Variants in RPS6KC1 observed in about 807,000 individuals in gnomAD.
RPS6KC1 encodes the protein ribosomal protein S6 kinase C1.
A neutral mutation model predicts 103.8 loss-of-function variants in RPS6KC1; 54 were observed. The ratio of observed to expected loss-of-function variants is 0.52; its 90% CI spans 0.42 to 0.65. RPS6KC1 has a LOEUF of 0.65. RPS6KC1 is among the 30% of genes least tolerant of loss of function. RPS6KC1 has a pLI of 0.00. For synonymous variants in RPS6KC1, 439 were observed against 438.7 expected (o/e 1.00, Z -0.01); for missense variants, 1,151 against 1,253.8 (o/e 0.92, Z 1.24).
At chr1:213,461,012 T>C in the RPS6KC1 span, among the ~76,000 whole-genome samples, 1 of 152,072 alleles carries the variant, frequency 6.6e-6, no homozygotes, top group Non-Finnish European at 1.5e-5. Flanking sequence ...CTGTTGCAGA[T>C]GACATGATTG....
chr1:213,454,343 G>A, the RPS6KC1 span, among the ~76,000 whole-genome samples: 1 of 152,148 alleles, frequency 6.6e-6, no homozygotes, highest in Admixed American at 6.5e-5. Context: ...TATTTTTAGA[G>A]GATAAGGAGA....
At chr1:213,735,150 G>T in the RPS6KC1 span, among the ~76,000 whole-genome samples, 1 of 152,178 alleles carries the variant, frequency 6.6e-6, no homozygotes, top group Non-Finnish European at 1.5e-5. Context: ...GTCTTGAGAA[G>T]TCAGGTGAGT....
rs745874632 is a variant in RPS6KC1 at position 213,242,620 on chromosome 1, G to C, written c.2873G>C (p.Cys958Ser). The change falls in exon 12 of 15, where the codon TGT becomes TCT. Residue 958 changes from cysteine (C) to serine (S), a missense_variant. Cys to Ser is a moderately radical substitution (Grantham distance 112). Around this residue, in one of 3 missense-constraint regions of RPS6KC1, gnomAD observed 189 missense variants for 228.8 expected, o/e 0.83. Coordinates refer to ENST00000366960, the MANE Select transcript of RPS6KC1 (RefSeq NM_012424.6). Reference sequence around the variant, plus strand: ...AGGTGGAGTGAGGTTGAAGATTCCTGTGACAGCGATGCCATAGAGAGAATG... The same window carrying C: ...AGGTGGAGTGAGGTTGAAGATTCCTCTGACAGCGATGCCATAGAGAGAATG... The part of the protein sequence containing the change: ...FSRWSEVEDS[C>S]DSDAIERMYC... 2.5e-6 allele frequency: 4 copies of C among 1,612,944 alleles called. No individual in the cohort carries two copies. In the South Asian group the frequency reaches 4.4e-5, roughly 18 times the overall value.
chr1:213,145,439 T>G (rs943275459), intron 6 of RPS6KC1, among the ~76,000 whole-genome samples: 1 of 152,086 alleles, frequency 6.6e-6, no homozygotes, highest in East Asian at 1.9e-4. Context: ...AGAGGAGAGA[T>G]AATGGTACAG....
chr1:213,587,165 A>G, the RPS6KC1 span, among the ~76,000 whole-genome samples: 1 of 152,206 alleles, frequency 6.6e-6, no homozygotes, highest in South Asian at 2.1e-4. Context: ...CAGAGCCCGA[A>G]GCAGGCATGG....
Position 213,241,632 on chromosome 1 carries a change from G to A in RPS6KC1, c.2156G>A (p.Gly719Glu), listed in dbSNP as rs1030964021. ...ACTAAGTTTACACAAACTAATATAG[G>A]GATAATAGAAAATAAACTCTTGGAA... is the stretch of plus-strand genomic sequence containing the variant. Reference protein sequence around the residue: ...GPTKFTQTNIGIIENKLLEAP... With the variant: ...GPTKFTQTNIEIIENKLLEAP... Residue 719 changes from glycine to glutamate, a missense_variant, in exon 11 of 15, where the codon GGG becomes GAG. Around this residue, in one of 3 missense-constraint regions of RPS6KC1, gnomAD observed 959 missense variants for 1,006.3 expected, o/e 0.95. Coordinates refer to ENST00000366960, the MANE Select transcript of RPS6KC1 (RefSeq NM_012424.6). 3.7e-6 allele frequency: 6 copies of A among 1,613,640 alleles called. No individual in the cohort carries two copies. In the Admixed American group the frequency reaches 1.0e-4, roughly 27 times the overall value.
At chr1:213,328,504 C>CTATATATATA in the RPS6KC1 span, among the ~76,000 whole-genome samples, 2,680 of 100,560 alleles carry the variant, frequency 0.027, 76 homozygotes, top group East Asian at 0.037. Context: ...AGCCATTATA[C>CTATATATATA]TATATATATA....
chr1:213,726,796 T>C, the RPS6KC1 span, among the ~76,000 whole-genome samples: 10 of 152,220 alleles, frequency 6.6e-5, no homozygotes, highest in South Asian at 2.1e-4. Flanking sequence ...TTAAAATGAA[T>C]GTAGGTTTTC....
At chr1:213,468,014 A>G in the RPS6KC1 span, among the ~76,000 whole-genome samples, 4 of 152,236 alleles carry the variant, frequency 2.6e-5, no homozygotes, top group Non-Finnish European at 4.4e-5. Context: ...TCTCTCCTTT[A>G]AGATCTAAAA....
chr1:213,596,163 C>T, the RPS6KC1 span, among the ~76,000 whole-genome samples: 4 of 150,786 alleles, frequency 2.7e-5, no homozygotes, highest in Admixed American at 1.3e-4. Context: ...CAAAGTAAAC[C>T]GAAAAGACTT....
the RPS6KC1 span, among the ~76,000 whole-genome samples, chr1:213,552,277 A>C: frequency 6.6e-6 from 1 of 152,364 alleles, no homozygotes; most frequent in East Asian, 1.9e-4. Context: ...GAAAACAAAC[A>C]AACAAAAACC....
At chr1:213,324,593 C>CTTTTTTTTTTTTTTTTTTTTT in the RPS6KC1 span, among the ~76,000 whole-genome samples, 1 of 81,822 alleles carries the variant, frequency 1.2e-5, no homozygotes, top group African/African-American at 4.0e-5. Context: ...GCTCGATATG[C>CTTTTTTTTTTTTTTTTTTTTT]TTTTTTTTTT....
the RPS6KC1 span, among the ~76,000 whole-genome samples, chr1:213,763,246 A>G: frequency 1.3e-5 from 2 of 152,178 alleles, no homozygotes; most frequent in Non-Finnish European, 2.9e-5. Flanking sequence ...AGCCCAAAAA[A>G]CAGGAACCAA....
chr1:213,734,128 A>G, the RPS6KC1 span, among the ~76,000 whole-genome samples: 1 of 152,210 alleles, frequency 6.6e-6, no homozygotes, highest in African/African-American at 2.4e-5. Flanking sequence ...GAAACTAGCT[A>G]TGTGCACCAT....
chr1:213,490,028 G>T, the RPS6KC1 span, among the ~76,000 whole-genome samples: 1 of 152,076 alleles, frequency 6.6e-6, no homozygotes, highest in African/African-American at 2.4e-5. Context: ...AGGATGGAGG[G>T]AAATCAGACA....
chr1:213,155,645 C>T (rs1379264426), intron 6 of RPS6KC1, among the ~76,000 whole-genome samples: 4 of 152,166 alleles, frequency 2.6e-5, no homozygotes, highest in African/African-American at 7.2e-5. Context: ...CAGGGGGTGA[C>T]GTCAGCAATT....
At chr1:213,253,065 A>T (rs1573617322) in intron 12 of RPS6KC1, among the ~76,000 whole-genome samples, 1 of 152,212 alleles carries the variant, frequency 6.6e-6, no homozygotes. Flanking sequence ...ATAGTTTAGG[A>T]GTTCTAAATT....
intron 8 of RPS6KC1, among the ~76,000 whole-genome samples, chr1:213,226,012 G>A (rs1212673707): frequency 2.0e-5 from 3 of 151,444 alleles, no homozygotes; most frequent in African/African-American, 7.3e-5. Context: ...TCACGAGGTC[G>A]GGAGATTGAG....
chr1:213,642,156 G>A, the RPS6KC1 span, among the ~76,000 whole-genome samples: 1 of 152,124 alleles, frequency 6.6e-6, no homozygotes, highest in African/African-American at 2.4e-5. Context: ...TTTTCCAGCT[G>A]AGTTAGGCCA....
Sources: gnomAD v4.1 joint callset for allele counts (sites outside exome capture counted in the v4.1 genomes callset) on GRCh38, gnomAD v4.1.1 for gene constraint, gnomAD v4.1.1 regional missense constraint, MANE v1.5 for transcripts, NCBI Gene and HGNC (gene_info 2026-07-23, HGNC 2026-07-21) for gene names.